ARHGEF18: variants seen among roughly 807,000 people sequenced by gnomAD.
ARHGEF18 encodes rho guanine nucleotide exchange factor 18.
A neutral mutation model predicts 155.7 loss-of-function variants in ARHGEF18; 93 were observed. The observed-to-expected ratio is 0.60, with a 90% confidence interval of 0.50 to 0.71. The LOEUF (loss-of-function observed/expected upper bound fraction) is 0.71. Ranked by LOEUF, ARHGEF18 falls within the 30% of genes least tolerant of loss-of-function variation. The probability of loss-of-function intolerance (pLI) is 0.00; values close to 1 mark genes in which losing one functional copy is unlikely to be tolerated. For synonymous variants in ARHGEF18, 742 were observed against 753.1 expected, an observed-to-expected ratio of 0.99 and a Z score of 0.24; for missense variants, 1,593 against 1,816.1, an observed-to-expected ratio of 0.88 and a Z score of 2.23.
chr19:7,410,607 C>G (rs528936474), intron 10 of ARHGEF18, among the ~76,000 whole-genome samples: 1 of 151,638 alleles, frequency 6.6e-6, no homozygotes, highest in Non-Finnish European at 1.5e-5. Context: ...GTCAGGAGTT[C>G]GAGACCAGCC....
chr19:7,350,767 G>GTGTGT (rs1969136536), intron 1 of ARHGEF18, among the ~76,000 whole-genome samples: 7 of 19,456 alleles, frequency 3.6e-4, no homozygotes, highest in South Asian at 1.4e-3. Flanking sequence ...TTTTGGGGTG[G>GTGTGT]GTGTGTGTGT....
chr19:7,354,559 C>G (rs1969236448), intron 1 of ARHGEF18, among the ~76,000 whole-genome samples: 1 of 152,118 alleles, frequency 6.6e-6, no homozygotes, highest in African/African-American at 2.4e-5. Flanking sequence ...GGGGCAGCAC[C>G]TGCACGGATG....
chr19:7,432,445 G>A (rs1046061349), intron 10 of ARHGEF18, among the ~76,000 whole-genome samples: 81 of 152,152 alleles, frequency 5.3e-4, no homozygotes, highest in African/African-American at 1.6e-3. Context: ...TGAAACCGAG[G>A]TGCTTGTCTG....
At chr19:7,475,428 T>C (rs1350530312), downstream of ARHGEF18, among the ~76,000 whole-genome samples, 3 of 152,188 alleles carry the variant, frequency 2.0e-5, no homozygotes, top group African/African-American at 7.2e-5. Flanking sequence ...TGACTGTGGC[T>C]CTGCTTGCAC....
chr19:7,470,193 C>T lies in ARHGEF18; in HGVS notation c.3981C>T (p.Ala1327=), dbSNP rs937328518. 45 of 1,611,948 alleles carry T rather than the reference C, an allele frequency of 2.8e-5. No individual in the cohort carries two copies. The highest frequency in any genetic ancestry group is 1.7e-4 in the African/African-American group (13 of 75,014). ...DSPSEGFSLK[A]GGTALLPGPP... Reference sequence around the variant, plus strand: ...CCTCCGAGGGCTTCTCTCTCAAGGCCGGGGGCACAGCCCTCCTGCCCGGGC... The same window carrying T: ...CCTCCGAGGGCTTCTCTCTCAAGGCTGGGGGCACAGCCCTCCTGCCCGGGC... Residue 1327 remains alanine, a synonymous_variant, in exon 29 of 29, where the codon GCC becomes GCT. Transcript: ENST00000668164. This position sits in a 1 kb window ranked among gnomAD's most constrained non-coding sequence, Gnocchi z 5.9.
rs1972512849 is a variant in ARHGEF18 at position 7,409,158 on chromosome 19, C to G, written c.967+25955C>G. Among the ~76,000 whole-genome samples the G allele has an allele frequency of 2.1e-5, 3 of 142,070 alleles. 1 individual carries two copies. The South Asian group carries it at 6.8e-4, about 32-fold the overall frequency. The allele number at this position is 142,070 out of a possible 152,430, so 93.2% of individuals were successfully genotyped here. A position where few individuals can be genotyped will look rare whatever the true frequency, so the allele number is the denominator to read the frequency against. On this transcript the variant is annotated intron_variant, in intron 10 of 28. Transcript: ENST00000668164. ...CACTGCAAGCTCCGCCTCCTGGGTT[C>G]ATGCCATTCTCCTACCTCAGCCTCC... is the stretch of plus-strand genomic sequence containing the variant.
intron 10 of ARHGEF18, among the ~76,000 whole-genome samples, chr19:7,431,529 A>AAAAAAAAAAG (rs901539858): frequency 1.1e-4 from 16 of 146,954 alleles, no homozygotes; most frequent in South Asian, 6.7e-4. Flanking sequence ...AAAAAAAAAA[A>AAAAAAAAAAG]AAAAGGCCGG....
At chr19:7,460,108 G>C in intron 20 of ARHGEF18, 114 bp downstream of exon 20, 1 of 1,025,360 alleles carries the variant, frequency 9.8e-7, no homozygotes, top group Non-Finnish European at 1.5e-6. Context: ...TTTTCCCGTG[G>C]GCTGTGCCAT....
Position 7,462,384 on chromosome 19 carries a change from C to T in ARHGEF18, c.2635+50C>T. On this transcript the variant is annotated intron_variant, in intron 21 of 28. Coordinates refer to ENST00000668164, the MANE Select transcript of ARHGEF18 (RefSeq NM_001367823.1). The surrounding 1 kb of genome is among the most constrained non-coding windows in gnomAD (Gnocchi z 4.4). Reference sequence around the variant, plus strand: ...GGGTGCAGTCTTGCCGGGGTGGGCTCCTCAGGGAACCCCAGGCCAGGCTCA... The same window carrying T: ...GGGTGCAGTCTTGCCGGGGTGGGCTTCTCAGGGAACCCCAGGCCAGGCTCA... 2.0e-6 allele frequency: 3 copies of T among 1,509,014 alleles called. No homozygotes were observed. Among genetic ancestry groups the T allele is most frequent in the Non-Finnish European group, 1.8e-6 (2 of 1,131,972 alleles). 93.5% of individuals were successfully genotyped at this position (1,509,014 alleles called of 1,614,324 possible).
At chr19:7,411,351 G>A (rs567419960) in intron 10 of ARHGEF18, among the ~76,000 whole-genome samples, 87 of 141,480 alleles carry the variant, frequency 6.1e-4, no homozygotes, top group African/African-American at 1.8e-3. Context: ...CTGTTGCCCA[G>A]GCTGGAGGGC....
downstream of ARHGEF18, among the ~76,000 whole-genome samples, chr19:7,474,754 A>AGTGTGTGTGTGTGTGT (rs3219570): frequency 0.07 from 9,916 of 141,780 alleles, 417 homozygotes; most frequent in East Asian, 0.12. Flanking sequence ...TGGGCATTGG[A>AGTGTGTGTGTGTGTGT]GTGTGTGTGT....
chr19:7,391,272 G>A lies in ARHGEF18; in HGVS notation c.967+8069G>A, dbSNP rs61360246. 9.7e-3 allele frequency among the ~76,000 whole-genome samples: 1,476 copies of A among 152,108 alleles called. 18 individuals carry two copies. The highest frequency in any genetic ancestry group is 0.022 in the African/African-American group (898 of 41,482). On this transcript the variant is annotated intron_variant, in intron 10 of 28. Transcript: ENST00000668164. ...CAGTCTGTCCCGTTTCCTCCCGTCC[G>A]TGGGACAGACGGAGGAAACAGCCTC... is the stretch of plus-strand genomic sequence containing the variant.
At position 7,440,427 on chromosome 19, in the gene ARHGEF18, CAGAA is replaced by C. The variant is rs1974567691; in HGVS notation, c.1054_1057del (p.Lys352GlyfsTer31). 1.2e-6 allele frequency: 2 copies of C among 1,603,260 alleles called. No homozygotes were observed. Among genetic ancestry groups the C allele is most frequent in the African/African-American group, 1.3e-5 (1 of 74,942 alleles). ...CAGGAATGTCGGTATGACGGTCTCT[CAGAA>C]AGGGGGTCCCCAGCCAACACCGAGC... is the stretch of plus-strand genomic sequence containing the variant. On this transcript the variant is annotated frameshift_variant, in exon 11 of 29. Transcript: ENST00000668164. LOFTEE classifies it high-confidence loss of function. The surrounding 1 kb of genome is among the most constrained non-coding windows in gnomAD (Gnocchi z 5.4).
the ARHGEF18 span, among the ~76,000 whole-genome samples, chr19:7,479,753 C>T: frequency 4.6e-5 from 7 of 152,242 alleles, no homozygotes; most frequent in Non-Finnish European, 1.0e-4. Flanking sequence ...AGGGGGGACA[C>T]GTGTCAGTGT....
At chr19:7,369,646 A>G (rs993362253) in intron 2 of ARHGEF18, among the ~76,000 whole-genome samples, 1 of 151,500 alleles carries the variant, frequency 6.6e-6, no homozygotes, top group Non-Finnish European at 1.5e-5. Flanking sequence ...AAAATACAAA[A>G]ATTAGCCGGG....
intron 24 of ARHGEF18, 42 bp downstream of exon 24, chr19:7,467,016 C>T (rs1976667855): frequency 1.2e-6 from 2 of 1,612,666 alleles, no homozygotes; most frequent in African/African-American, 2.7e-5. Context: ...GCCTTGTGCA[C>T]GCGCGTGTGG....
At chr19:7,414,153 A>C (rs1195424762) in intron 10 of ARHGEF18, among the ~76,000 whole-genome samples, 2 of 152,040 alleles carry the variant, frequency 1.3e-5, no homozygotes, top group Non-Finnish European at 2.9e-5. Flanking sequence ...CCTGGCCTCC[A>C]CCCACCAGAT....
chr19:7,362,010 GA>G, intron 1 of ARHGEF18, among the ~76,000 whole-genome samples: 1 of 60,812 alleles, frequency 1.6e-5, no homozygotes, highest in African/African-American at 9.1e-5. Flanking sequence ...AGAAGAAGAA[GA>G]AGAAGGAGAA....
chr19:7,352,659 G>A (rs566988245), intron 1 of ARHGEF18, among the ~76,000 whole-genome samples: 12 of 144,174 alleles, frequency 8.3e-5, no homozygotes, highest in Non-Finnish European at 1.5e-4. Flanking sequence ...TCAGCCTCCC[G>A]AGTAGCTGGG....
Sources: gnomAD v4.1 joint callset for allele counts (sites outside exome capture counted in the v4.1 genomes callset) on GRCh38, gnomAD v4.1.1 for gene constraint, Gnocchi (gnomAD v3.1) non-coding constraint, MANE v1.5 for transcripts, NCBI Gene and HGNC (gene_info 2026-07-23, HGNC 2026-07-21) for gene names.